The following GATA5 variants were observed in gnomAD, a reference collection of about 807,000 sequenced individuals.
GATA5 encodes the protein transcription factor GATA-5.
A neutral mutation model predicts 35.0 loss-of-function variants in GATA5; 27 were observed. The ratio of observed to expected loss-of-function variants is 0.77; its 90% CI spans 0.57 to 1.06. GATA5 has a LOEUF of 1.06. Ranked by LOEUF, GATA5 falls within the 50% of genes least tolerant of loss-of-function variation. The pLI is 0.00. For synonymous variants in GATA5, 306 were observed against 267.8 expected, an observed-to-expected ratio of 1.14 and a Z score of -1.39; for missense variants, 612 against 580.0, an observed-to-expected ratio of 1.06 and a Z score of -0.57.
intron 1 of GATA5, 57 bp from the exon 2 acceptor site, chr20:62,475,599 G>A (rs1601520979): frequency 8.8e-7 from 1 of 1,141,536 alleles, no homozygotes; most frequent in Non-Finnish European, 1.1e-6. Context: ...CTCCGCCAGC[G>A]CCCGAGCTTA....
In GATA5 at chr20:62,464,486, T is replaced by C. The variant is rs1454692297; in HGVS notation, c.*350A>G. The C allele has an allele frequency of 5.4e-6, 1 of 184,584 alleles. No individual in the cohort carries two copies. The highest frequency in any genetic ancestry group is 1.1e-5 in the Non-Finnish European group (1 of 90,000). 11.4% of individuals were successfully genotyped at this position (184,584 alleles called of 1,614,324 possible). A position where few individuals can be genotyped will look rare whatever the true frequency, so the allele number is the denominator to read the frequency against. On this transcript the variant is annotated 3_prime_UTR_variant, in exon 7 of 7. Transcript: ENST00000252997. ...CCCCAACTGCTACAACTTGTAAACA[T>C]ATTGACGGTGAGCATTGATGACGGA...
In GATA5 at chr20:62,464,839, G is replaced by A; in HGVS notation, c.1191C>T (p.Ala397=). The change falls in exon 7 of 7, where the codon GCC becomes GCT. Residue 397 remains alanine (A), a synonymous_variant. Coordinates refer to ENST00000252997, the MANE Select transcript of GATA5 (RefSeq NM_080473.5). ...TGACATGGGCTGGCCTGGGGACCTA[G>A]GCCAAGGCCAGCGCACACCAGGCCT... is the stretch of plus-strand genomic sequence containing the variant. ...RQEAWCALAL[A] 1 of 1,592,890 alleles carries A rather than the reference G, an allele frequency of 6.3e-7. No individual in the cohort carries two copies. The highest frequency in any genetic ancestry group is 8.6e-7 in the Non-Finnish European group (1 of 1,168,366).
intron 6 of GATA5, 44 bp from the exon 7 acceptor site, chr20:62,465,035 G>A: frequency 8.3e-7 from 1 of 1,205,310 alleles, no homozygotes; most frequent in Non-Finnish European, 1.2e-6. Flanking sequence ...GGGGCGTGGG[G>A]CGTGGGGGGC....
At position 62,473,514 on chromosome 20, in the gene GATA5, G is replaced by T. The variant is rs1555896781; in HGVS notation, c.588C>A (p.Ser196=). ...GRECVNCGAL[S]TPLWRRDGTG... ...TGCCGTCTCGGCGCCACAGCGGTGT[G>T]GACAGGGCCCCGCAGTTGACACACT... The change falls in exon 3 of 7, where the codon TCC becomes TCA. Residue 196 remains serine, a synonymous_variant. Transcript: ENST00000252997. The T allele has an allele frequency of 6.2e-7, 1 of 1,608,638 alleles. No homozygotes were observed. Among genetic ancestry groups the T allele is most frequent in the East Asian group, 2.2e-5 (1 of 44,638 alleles).
At position 62,475,120 on chromosome 20, in the gene GATA5, C is replaced by G; in HGVS notation, c.402G>C (p.Val134=). The change falls in exon 2 of 7, where the codon GTG becomes GTC. Residue 134 remains valine (V), a synonymous_variant. Coordinates refer to ENST00000252997, the MANE Select transcript of GATA5 (RefSeq NM_080473.5). The part of the protein sequence containing the change: ...EQFAAPLGRP[V]GTSYSATYPA... Reference sequence around the variant, plus strand: ...GGTAGGTGGCGGAGTACGAGGTCCCCACCGGCCGCCCAAGCGGGGCCGCGA... The same window carrying G: ...GGTAGGTGGCGGAGTACGAGGTCCCGACCGGCCGCCCAAGCGGGGCCGCGA... 1 of 1,379,802 alleles carries G rather than the reference C, an allele frequency of 7.2e-7. No homozygotes were observed. The highest frequency in any genetic ancestry group is 9.4e-7 in the Non-Finnish European group (1 of 1,063,260). The allele number at this position is 1,379,802 out of a possible 1,614,324, so 85.5% of individuals were successfully genotyped here.
At chr20:62,474,012 G>A (rs1447565368) in intron 2 of GATA5, among the ~76,000 whole-genome samples, 1 of 149,788 alleles carries the variant, frequency 6.7e-6, no homozygotes, top group Non-Finnish European at 1.5e-5. Flanking sequence ...ACTCTTGGGC[G>A]CCCCTGGGCT....
intron 3 of GATA5, among the ~76,000 whole-genome samples, chr20:62,467,952 T>C (rs1555896241): frequency 6.7e-6 from 1 of 149,364 alleles, no homozygotes; most frequent in Non-Finnish European, 1.5e-5. Flanking sequence ...GGTTTCCCCA[T>C]CTGTTACAGC....
chr20:62,472,726 G>T (rs1050522617), intron 3 of GATA5, among the ~76,000 whole-genome samples: 1 of 152,246 alleles, frequency 6.6e-6, no homozygotes, highest in Non-Finnish European at 1.5e-5. Context: ...AGCCTCTGGG[G>T]ACTGTGCCCT....
intron 2 of GATA5, 67 bp from the exon 3 acceptor site, chr20:62,473,645 C>G (rs901706981): frequency 1.2e-5 from 18 of 1,465,624 alleles, no homozygotes; most frequent in Non-Finnish European, 1.6e-5. Context: ...GCTCATGGGC[C>G]GGCACCCTCC....
chr20:62,464,902 T>A lies in GATA5; in HGVS notation c.1128A>T (p.Pro376=), dbSNP rs6061550. ...CCCCCCTGAGGCCAGCCTGGGGGCT[T>A]GGGGCCGTGGAGGGGAAGGCAAAGT... is the stretch of plus-strand genomic sequence containing the variant. The part of the protein sequence containing the change: ...PEDFAFPSTA[P]SPQAGLRGAL... Residue 376 remains proline (P), a synonymous_variant, in exon 7 of 7, where the codon CCA becomes CCT. Coordinates refer to ENST00000252997, the MANE Select transcript of GATA5 (RefSeq NM_080473.5). 6.2e-7 allele frequency: 1 copy of A among 1,609,124 alleles called. No individual in the cohort carries two copies. The highest frequency in any genetic ancestry group is 8.5e-7 in the Non-Finnish European group (1 of 1,177,816).
intron 3 of GATA5, among the ~76,000 whole-genome samples, chr20:62,468,683 A>G (rs1248203514): frequency 6.6e-6 from 1 of 152,268 alleles, no homozygotes. Flanking sequence ...CTCAGCTTGC[A>G]GCTCCTGGCC....
chr20:62,465,419 G>C lies in GATA5; in HGVS notation c.959C>G (p.Thr320Ser). 6.2e-7 allele frequency: 1 copy of C among 1,608,810 alleles called. No individual in the cohort carries two copies. Among genetic ancestry groups the C allele is most frequent in the Non-Finnish European group, 8.5e-7 (1 of 1,179,674 alleles). Residue 320 changes from threonine (T) to serine (S), a missense_variant, in exon 6 of 7, where the codon ACT becomes AGT. Thr to Ser is a moderately conservative substitution (Grantham distance 58, BLOSUM62 1). Coordinates refer to ENST00000252997, the MANE Select transcript of GATA5 (RefSeq NM_080473.5). ...TTTCGAAGTGGCTGCTGAGCTGTCA[G>C]TGCTGGCGACAGCAGATGGGGAGGC... ...ASASPSAVAS[T>S]DSSAATSKAK...
chr20:62,474,934 G>A, intron 2 of GATA5, 65 bp downstream of exon 2: 3 of 1,223,890 alleles, frequency 2.5e-6, no homozygotes, highest in Admixed American at 4.2e-5. Flanking sequence ...CGTTTCGCAG[G>A]GTGCGGGTTT....
intron 3 of GATA5, among the ~76,000 whole-genome samples, chr20:62,468,806 G>A (rs1436781572): frequency 6.6e-6 from 1 of 152,220 alleles, no homozygotes; most frequent in Admixed American, 6.5e-5. Flanking sequence ...CACGCTGGAG[G>A]GCCCAGCCCA....
At chr20:62,471,650 C>T (rs545565714) in intron 3 of GATA5, among the ~76,000 whole-genome samples, 6 of 151,418 alleles carry the variant, frequency 4.0e-5, no homozygotes, top group South Asian at 2.1e-4. Flanking sequence ...AAGCTGGTTT[C>T]GAACTCCTGG....
rs1989823484 is a variant in GATA5, at chr20:62,475,191, G to C, written c.331C>G (p.Arg111Gly). The change falls in exon 2 of 7, where the codon CGA (arginine) becomes GGA (glycine). Residue 111 changes from arginine to glycine, a missense_variant. Coordinates refer to ENST00000252997, the MANE Select transcript of GATA5 (RefSeq NM_080473.5). ...GCGCCCTGGTAGGCACTGCCGTCTC[G>C]GCCCCCCGCGCTGCCGCCGCTGCCG... Reference protein sequence around the residue: ...GPGSGGSAGGRDGSAYQGALL... With the variant: ...GPGSGGSAGGGDGSAYQGALL... 1 of 1,264,240 alleles carries C rather than the reference G, an allele frequency of 7.9e-7. No homozygotes were observed. The highest frequency in any genetic ancestry group is 1.0e-6 in the Non-Finnish European group (1 of 1,002,626). The allele number at this position is 1,264,240 out of a possible 1,614,324, so 78.3% of individuals were successfully genotyped here. A position where few individuals can be genotyped will look rare whatever the true frequency, so the allele number is the denominator to read the frequency against.
chr20:62,467,072 G>A (rs999402255), intron 3 of GATA5, among the ~76,000 whole-genome samples: 1 of 152,224 alleles, frequency 6.6e-6, no homozygotes, highest in Non-Finnish European at 1.5e-5. Flanking sequence ...GCTGTGCACT[G>A]CGCCTGGTGG....
chr20:62,473,431 C>T lies in GATA5; in HGVS notation c.671G>A (p.Arg224Gln), dbSNP rs374060174. ...GLYHKMNGVN[R>Q]PLVRPQKRLS... ...GCGCTTCTGAGGCCGAACGAGCGGC[C>T]GGTTGACGCCATTCATCTTGTGGTA... Residue 224 changes from arginine to glutamine, a missense_variant, in exon 3 of 7, where the codon CGG (arginine) becomes CAG (glutamine). Physicochemically the swap from Arg to Gln is conservative, Grantham distance 43. Coordinates refer to ENST00000252997, the MANE Select transcript of GATA5 (RefSeq NM_080473.5). 1.1e-5 allele frequency: 18 copies of T among 1,609,914 alleles called. No homozygotes were observed. Among genetic ancestry groups the T allele is most frequent in the South Asian group, 2.2e-5 (2 of 90,504 alleles).
chr20:62,465,317 C>A, intron 6 of GATA5, 23 bp downstream of exon 6: 1 of 1,575,794 alleles, frequency 6.3e-7, no homozygotes, highest in Non-Finnish European at 8.6e-7. Context: ...CTCTGGGCAC[C>A]CCACCCCAGC....
Sources: gnomAD v4.1 joint callset for allele counts (sites outside exome capture counted in the v4.1 genomes callset) on GRCh38, gnomAD v4.1.1 for gene constraint, MANE v1.5 for transcripts, NCBI Gene and HGNC (gene_info 2026-07-23, HGNC 2026-07-21) for gene names.